PRKAB2: variants seen among roughly 807,000 people sequenced by gnomAD.
PRKAB2 encodes the protein protein kinase AMP-activated non-catalytic subunit beta 2.
Under a neutral mutation model 29.8 loss-of-function variants are expected in PRKAB2, and 18 were observed. The observed-to-expected ratio is 0.60, with a 90% CI of 0.42 to 0.89. The LOEUF (loss-of-function observed/expected upper bound fraction) is 0.89, where lower values mean the gene tolerates loss of function less well. Ranked by LOEUF, PRKAB2 falls within the 40% of genes least tolerant of loss-of-function variation. The probability of loss-of-function intolerance (pLI) is 0.00; values close to 1 mark genes in which losing one functional copy is unlikely to be tolerated. For missense variants in PRKAB2, 270 were observed against 344.3 expected (o/e 0.78, Z 1.71); for synonymous variants, 136 against 125.9 (o/e 1.08, Z -0.54).
chr1:147,171,964 C>A, intron 2 of PRKAB2, 25 bp downstream of exon 2: 1 of 1,592,308 alleles, frequency 6.3e-7, no homozygotes, highest in Non-Finnish European at 8.5e-7. Context: ...AGTACTGACA[C>A]CAACTGCGGG....
At chr1:147,171,384 T>C (rs1421337285) in intron 2 of PRKAB2, among the ~76,000 whole-genome samples, 1 of 152,098 alleles carries the variant, frequency 6.6e-6, no homozygotes, top group Non-Finnish European at 1.5e-5. Flanking sequence ...AACTATAAAG[T>C]ATGGGACAAA....
chr1:147,168,658 G>A (rs587667317), intron 2 of PRKAB2, among the ~76,000 whole-genome samples: 1 of 152,294 alleles, frequency 6.6e-6, no homozygotes, highest in South Asian at 2.1e-4. Context: ...TATCAAATGA[G>A]GTTTATGGGA....
intron 5 of PRKAB2, among the ~76,000 whole-genome samples, chr1:147,163,161 C>G (rs1226053801): frequency 6.6e-6 from 1 of 152,064 alleles, no homozygotes; most frequent in African/African-American, 2.4e-5. Context: ...CTCACTAGGA[C>G]AGCTAAAATC....
At chr1:147,160,171 ATC>A (rs1653885187) in intron 7 of PRKAB2, among the ~76,000 whole-genome samples, 2 of 152,164 alleles carry the variant, frequency 1.3e-5, no homozygotes, top group African/African-American at 4.8e-5. Flanking sequence ...CTTCCAAAAG[ATC>A]TCTCTGATTT....
chr1:147,159,756 G>A (rs1383208416), intron 7 of PRKAB2, 114 bp from the exon 8 acceptor site: 17 of 900,492 alleles, frequency 1.9e-5, no homozygotes, highest in Non-Finnish European at 2.8e-5. Context: ...TTTGATATAA[G>A]AGCAGGAGGT....
chr1:147,166,413 C>G (rs1351010034), intron 5 of PRKAB2, 85 bp downstream of exon 5: 2 of 1,409,988 alleles, frequency 1.4e-6, no homozygotes, highest in African/African-American at 2.9e-5. Flanking sequence ...CTCTCTCCCT[C>G]TATATGTATA....
Position 147,167,882 on chromosome 1 carries a change from C to A in PRKAB2, c.208G>T (p.Val70Leu). ...VSWQQDLEDSVKPTQQARPTV... is the reference protein window; with the variant it reads ...VSWQQDLEDSLKPTQQARPTV... Reference sequence around the variant, plus strand: ...GGCCGGGCCTGCTGTGTGGGCTTTACGGAGTCCTCCAAATCCTGCTGCCAT... The same window carrying A: ...GGCCGGGCCTGCTGTGTGGGCTTTAAGGAGTCCTCCAAATCCTGCTGCCAT... Residue 70 changes from valine (V) to leucine (L), a missense_variant, in exon 3 of 8, where the codon GTA (valine) becomes TTA (leucine). Around this residue, in one of 2 missense-constraint regions of PRKAB2, gnomAD observed 228 missense variants for 255.5 expected, o/e 0.89. Coordinates refer to ENST00000254101, the MANE Select transcript of PRKAB2 (RefSeq NM_005399.5). 1 of 1,614,100 alleles carries A rather than the reference C, an allele frequency of 6.2e-7. No individual in the cohort carries two copies. Among genetic ancestry groups the A allele is most frequent in the Non-Finnish European group, 8.5e-7 (1 of 1,179,998 alleles).
intron 3 of PRKAB2, among the ~76,000 whole-genome samples, chr1:147,167,219 C>G (rs1386474677): frequency 6.6e-6 from 1 of 152,200 alleles, no homozygotes; most frequent in African/African-American, 2.4e-5. Context: ...GTATAACTTA[C>G]TTTGCTTCAG....
At chr1:147,161,306 G>T (rs1399444428) in intron 7 of PRKAB2, among the ~76,000 whole-genome samples, 1 of 152,122 alleles carries the variant, frequency 6.6e-6, no homozygotes, top group Non-Finnish European at 1.5e-5. Flanking sequence ...ATATATGAAT[G>T]AGGCACCTGA....
rs1423747494 is a variant in PRKAB2 at position 147,162,424 on chromosome 1, T to C, written c.672+16A>G. ...TAGACACCCCCAGATGCCCCAGTAA[T>C]ACTCAGGATACTCACAGAAATATTA... is the stretch of plus-strand genomic sequence containing the variant. On this transcript the variant is annotated intron_variant, in intron 6 of 7. Coordinates refer to ENST00000254101, the MANE Select transcript of PRKAB2 (RefSeq NM_005399.5). 8.1e-6 allele frequency: 13 copies of C among 1,606,768 alleles called. No homozygotes were observed. In the East Asian group the frequency reaches 2.7e-4, roughly 33 times the overall value.
Position 147,155,910 on chromosome 1 carries a change from G to A in PRKAB2, c.*3655C>T, listed in dbSNP as rs1169541307. ...CCCTTCTTTCTTATAATTTAAATTT[G>A]GCTTTTTACTCTAAAAGTTTGGGTT... On this transcript the variant is annotated 3_prime_UTR_variant, in exon 8 of 8. Coordinates refer to ENST00000254101, the MANE Select transcript of PRKAB2 (RefSeq NM_005399.5). 13 of 152,162 alleles carry A rather than the reference G, an allele frequency of 8.5e-5. No homozygotes were observed. Among genetic ancestry groups the A allele is most frequent in the African/African-American group, 3.1e-4 (13 of 41,458 alleles). The allele number at this position is 152,162 out of a possible 1,614,324, so 9.4% of individuals were successfully genotyped here.
At chr1:147,170,589 T>G (rs1457223389) in intron 2 of PRKAB2, among the ~76,000 whole-genome samples, 2 of 151,194 alleles carry the variant, frequency 1.3e-5, no homozygotes, top group Admixed American at 6.6e-5. Flanking sequence ...GTTTTTTTGT[T>G]TTTTTGTTTT....
intron 4 of PRKAB2, 33 bp from the exon 5 acceptor site, chr1:147,166,651 T>C (rs1654266043): frequency 6.2e-7 from 1 of 1,606,748 alleles, no homozygotes; most frequent in Non-Finnish European, 8.5e-7. Context: ...TTATTGAATC[T>C]CTCTTTCAAA....
At chr1:147,171,903 G>A (rs1000442268) in intron 2 of PRKAB2, 86 bp downstream of exon 2, 4 of 1,512,388 alleles carry the variant, frequency 2.6e-6, no homozygotes, top group South Asian at 1.2e-5. Flanking sequence ...GGTTCGGCGC[G>A]GTAGAAAAGA....
At chr1:147,166,387 C>T (rs961091404) in intron 5 of PRKAB2, 111 bp downstream of exon 5, 11 of 1,224,540 alleles carry the variant, frequency 9.0e-6, no homozygotes, top group South Asian at 1.7e-5. Flanking sequence ...CTCTCCTCCC[C>T]CCAACCCCCT....
At position 147,155,568 on chromosome 1, in the gene PRKAB2, G is replaced by C. The variant is rs1425664052; in HGVS notation, c.*3997C>G. 6.6e-6 allele frequency: 1 copy of C among 152,498 alleles called. No individual in the cohort carries two copies. The highest frequency in any genetic ancestry group is 6.5e-5 in the Admixed American group (1 of 15,268). 9.4% of individuals were successfully genotyped at this position (152,498 alleles called of 1,614,324 possible). ...GTGTTTTGTACAGGGGAACAGAAAAGAAGTAAGATCATCAATACCTAATAT... is the reference window on the plus strand; with the variant it reads ...GTGTTTTGTACAGGGGAACAGAAAACAAGTAAGATCATCAATACCTAATAT... On this transcript the variant is annotated 3_prime_UTR_variant, in exon 8 of 8. Coordinates refer to ENST00000254101, the MANE Select transcript of PRKAB2 (RefSeq NM_005399.5).
chr1:147,160,933 A>C (rs1158481436), intron 7 of PRKAB2: 2 of 152,170 alleles, frequency 1.3e-5, no homozygotes, highest in African/African-American at 4.8e-5. Context: ...TTTGTTAGCT[A>C]TATCAGTGAT....
In PRKAB2 at chr1:147,166,601, C is replaced by G; in HGVS notation, c.435G>C (p.Gln145His). ...GGATCAAATTGTTAATTGTGCCAAG[C>G]TGACTGGTAACCACAGGCTGAAACA... Reference protein sequence around the residue: ...HDPSEPVVTSQLGTINNLIHV... With the variant: ...HDPSEPVVTSHLGTINNLIHV... The change falls in exon 5 of 8, where the codon CAG becomes CAC. Residue 145 changes from glutamine to histidine, a missense_variant. By Grantham distance (24) the Gln-to-His change is conservative (BLOSUM62 0). Around this residue, in one of 2 missense-constraint regions of PRKAB2, gnomAD observed 228 missense variants for 255.5 expected, o/e 0.89. Transcript: ENST00000254101. The G allele has an allele frequency of 6.2e-7, 1 of 1,614,024 alleles. No homozygotes were observed. The highest frequency in any genetic ancestry group is 8.5e-7 in the Non-Finnish European group (1 of 1,179,976).
Position 147,166,369 on chromosome 1 carries a change from G to GTC in PRKAB2, c.538+127_538+128dup, listed in dbSNP as rs1306125153. 5.2e-5 allele frequency: 29 copies of GTC among 560,314 alleles called. No homozygotes were observed. In the Middle Eastern group the frequency reaches 4.2e-3, roughly 81 times the overall value. 34.7% of individuals were successfully genotyped at this position (560,314 alleles called of 1,614,324 possible). ...AAATGTTTACAGGAGAAAAATCTCT[G>GTC]TCTCTCTCTCTCCTCCCCCCAACCC... On this transcript the variant is annotated intron_variant, in intron 5 of 7. Coordinates refer to ENST00000254101, the MANE Select transcript of PRKAB2 (RefSeq NM_005399.5).
Sources: gnomAD v4.1 joint callset for allele counts (sites outside exome capture counted in the v4.1 genomes callset) on GRCh38, gnomAD v4.1.1 for gene constraint, gnomAD v4.1.1 regional missense constraint, MANE v1.5 for transcripts, NCBI Gene and HGNC (gene_info 2026-07-23, HGNC 2026-07-21) for gene names.